ABCC11: variants seen among roughly 807,000 people sequenced by gnomAD.
ABCC11 encodes ATP binding cassette subfamily C member 11.
In ABCC11, 135 loss-of-function variants were observed where a neutral mutation model predicts 149.3. The observed-to-expected ratio is 0.90, with a 90% CI of 0.79 to 1.04. The LOEUF is 1.04. Ranked by LOEUF, ABCC11 falls within the 50% of genes least tolerant of loss-of-function variation. The pLI, the probability that ABCC11 is intolerant of heterozygous loss-of-function variation, is 0.00. For missense variants in ABCC11, 1,680 were observed against 1,722.1 expected (o/e 0.98, Z 0.43); for synonymous variants, 665 against 671.4 (o/e 0.99, Z 0.15).
chr16:48,204,435 A>G (rs1024641298), intron 13 of ABCC11, among the ~76,000 whole-genome samples: 1 of 152,196 alleles, frequency 6.6e-6, no homozygotes. Context: ...CAGAAATACA[A>G]GAGATATGTA....
intron 12 of ABCC11, 80 bp downstream of exon 12, chr16:48,208,345 G>A: frequency 3.9e-6 from 6 of 1,555,708 alleles, no homozygotes; most frequent in Middle Eastern, 1.9e-4. Context: ...AAGCAGTGGG[G>A]GGCCCCGCCT....
At chr16:48,202,557 G>A (rs1968079423) in intron 14 of ABCC11, among the ~76,000 whole-genome samples, 1 of 151,658 alleles carries the variant, frequency 6.6e-6, no homozygotes, top group Admixed American at 6.6e-5. Context: ...GTTGCAGTGA[G>A]TCGAGATCGC....
At chr16:48,211,843 A>G (rs10521168) in intron 10 of ABCC11, among the ~76,000 whole-genome samples, 5,474 of 152,342 alleles carry the variant, frequency 0.036, 141 homozygotes, top group Middle Eastern at 0.11. Context: ...CAAGGGTTGA[A>G]CTACATAAAT....
At chr16:48,214,146 A>T (rs998202531) in intron 9 of ABCC11, among the ~76,000 whole-genome samples, 5 of 151,972 alleles carry the variant, frequency 3.3e-5, no homozygotes, top group African/African-American at 4.8e-5. Context: ...TCCTGGCTTC[A>T]TCCAAAAATG....
At chr16:48,203,131 G>A (rs1968137435) in intron 14 of ABCC11, 97 bp downstream of exon 14, 5 of 1,309,670 alleles carry the variant, frequency 3.8e-6, no homozygotes, top group Non-Finnish European at 4.2e-6. Context: ...TGCTTTGGGA[G>A]GAAGAGCTGG....
At chr16:48,179,641 A>T (rs1338657215) in intron 23 of ABCC11, among the ~76,000 whole-genome samples, 2 of 152,222 alleles carry the variant, frequency 1.3e-5, no homozygotes, top group Non-Finnish European at 2.9e-5. Flanking sequence ...ATGGAAAGGC[A>T]GACAAGGCAA....
intron 20 of ABCC11, among the ~76,000 whole-genome samples, chr16:48,191,395 A>G (rs1201512625): frequency 6.6e-6 from 1 of 152,100 alleles, no homozygotes; most frequent in African/African-American, 2.4e-5. Context: ...TTAGCCAGGC[A>G]TGGTGGTGTG....
chr16:48,205,272 TCA>T, intron 13 of ABCC11, 139 bp downstream of exon 13: 2 of 1,281,406 alleles, frequency 1.6e-6, no homozygotes, highest in African/African-American at 3.0e-5. Context: ...GGTATTTCTT[TCA>T]CAGTGAGGGG....
chr16:48,206,405 G>T lies in ABCC11; in HGVS notation c.1681-868C>A, dbSNP rs571550417. Among the ~76,000 whole-genome samples, 58 of 152,268 alleles carry T rather than the reference G, an allele frequency of 3.8e-4. No individual in the cohort carries two copies. The South Asian group carries it at 0.012, about 30-fold the overall frequency. On this transcript the variant is annotated intron_variant, in intron 12 of 29. Transcript: ENST00000356608. ...TGCTGCATCTAGATGGTGGGTATAT[G>T]GATCCCTGCTGTAGTGTTCTTCCTG...
chr16:48,178,727 G>T, intron 23 of ABCC11, 41 bp from the exon 24 acceptor site: 1 of 1,575,702 alleles, frequency 6.3e-7, no homozygotes. Flanking sequence ...GAGGCTGCTG[G>T]GGTGTGCTCA....
chr16:48,233,917 A>G (rs899887119), intron 1 of ABCC11, among the ~76,000 whole-genome samples: 7 of 152,256 alleles, frequency 4.6e-5, no homozygotes, highest in Non-Finnish European at 8.8e-5. Context: ...TCATTTGCCA[A>G]TGACCTGAGT....
At chr16:48,201,099 A>G (rs1967931775) in intron 14 of ABCC11, among the ~76,000 whole-genome samples, 1 of 152,260 alleles carries the variant, frequency 6.6e-6, no homozygotes, top group Admixed American at 6.5e-5. Flanking sequence ...CTCTCCATGT[A>G]TCCCCTGAAT....
chr16:48,179,312 AC>A (rs888575736), intron 23 of ABCC11, among the ~76,000 whole-genome samples: 7 of 152,182 alleles, frequency 4.6e-5, no homozygotes, highest in African/African-American at 1.7e-4. Flanking sequence ...CTTCAGGGAA[AC>A]CCAGGCTAGA....
At chr16:48,235,649 C>T (rs186712741) in intron 1 of ABCC11, among the ~76,000 whole-genome samples, 3 of 152,224 alleles carry the variant, frequency 2.0e-5, no homozygotes, top group Non-Finnish European at 4.4e-5. Flanking sequence ...GTCCCGGAAG[C>T]ATTCCCTGGA....
rs1309357866 is a variant in ABCC11, at chr16:48,176,946, G to A, written c.3516C>T (p.Gly1172=). The change falls in exon 25 of 30, where the codon GGC becomes GGT. Residue 1172 remains glycine, a synonymous_variant. Transcript: ENST00000356608. ...CACCAGAGCCCGTCCTTCCCACGAT[G>A]CCCACCACTTCGTGGCCGCGGATGG... The part of the protein sequence containing the change: ...NLTIRGHEVV[G]IVGRTGSGKS... 1 of 1,613,974 alleles carries A rather than the reference G, an allele frequency of 6.2e-7. No individual in the cohort carries two copies.
chr16:48,231,234 G>A (rs1003135901), intron 2 of ABCC11, among the ~76,000 whole-genome samples: 1 of 151,892 alleles, frequency 6.6e-6, no homozygotes, highest in Admixed American at 6.6e-5. Flanking sequence ...TAGATAAATA[G>A]GTAATAGGTG....
chr16:48,221,497 G>T (rs898142068), intron 6 of ABCC11, among the ~76,000 whole-genome samples: 1 of 152,010 alleles, frequency 6.6e-6, no homozygotes, highest in African/African-American at 2.4e-5. Flanking sequence ...AACCAGGCAG[G>T]TGAAAGGATT....
chr16:48,175,493 C>CACACCTG (rs1567477655), intron 25 of ABCC11, 76 bp from the exon 26 acceptor site: 2 of 1,490,074 alleles, frequency 1.3e-6, no homozygotes, highest in Non-Finnish European at 1.8e-6. Flanking sequence ...ACCTGGCGAT[C>CACACCTG]ACACCTGACC....
In ABCC11 at chr16:48,187,285, G is replaced by A. The variant is rs1436540950; in HGVS notation, c.2849C>T (p.Ala950Val). The A allele has an allele frequency of 6.2e-7, 1 of 1,614,158 alleles. No homozygotes were observed. Among genetic ancestry groups the A allele is most frequent in the South Asian group, 1.1e-5 (1 of 91,078 alleles). ...QFLVLSLMVI[A>V]VLLIVSVLSP... is the part of the protein sequence containing the mutation. ...CAGCACACTGACAATCAACAGGACGGCGATCACCATTAAGGACAGGACCAG... is the reference window on the plus strand; with the variant it reads ...CAGCACACTGACAATCAACAGGACGACGATCACCATTAAGGACAGGACCAG... The change falls in exon 21 of 30, where the codon GCC becomes GTC. Residue 950 changes from alanine to valine, a missense_variant. Coordinates refer to ENST00000356608, the MANE Select transcript of ABCC11 (RefSeq NM_001370497.1).
Sources: gnomAD v4.1 joint callset for allele counts (sites outside exome capture counted in the v4.1 genomes callset) on GRCh38, gnomAD v4.1.1 for gene constraint, MANE v1.5 for transcripts, NCBI Gene and HGNC (gene_info 2026-07-23, HGNC 2026-07-21) for gene names.